The following GSN variants were observed in gnomAD, a reference collection of about 807,000 sequenced individuals.
The protein encoded by GSN is gelsolin, also known as actin-depolymerizing factor.
A neutral mutation model predicts 85.7 loss-of-function variants in GSN; 56 were observed. That is an observed-to-expected ratio of 0.65 (90% CI 0.53 to 0.82). GSN has a LOEUF of 0.82. Among genes scored for constraint, GSN ranks in the 40% least tolerant of loss-of-function variants. The pLI, the probability that GSN is intolerant of heterozygous loss-of-function variation, is 0.00. For missense variants in GSN, 857 were observed against 979.8 expected, an observed-to-expected ratio of 0.87 and a Z score of 1.67; for synonymous variants, 373 against 399.1, an observed-to-expected ratio of 0.93 and a Z score of 0.78.
At chr9:121,273,633 A>G (rs1251089748) in intron 1 of GSN, among the ~76,000 whole-genome samples, 1 of 152,100 alleles carries the variant, frequency 6.6e-6, no homozygotes, top group East Asian at 1.9e-4. Flanking sequence ...TTACCCCCAC[A>G]CAATTATCCT....
intron 13 of GSN, 153 bp downstream of exon 13, chr9:121,326,835 T>C: frequency 1.2e-6 from 1 of 813,206 alleles, no homozygotes; most frequent in Non-Finnish European, 2.2e-6. Context: ...GGCCACAGGG[T>C]TGTCTGTCTT....
At chr9:121,296,024 G>A (rs998699299) in intron 2 of GSN, among the ~76,000 whole-genome samples, 14 of 152,356 alleles carry the variant, frequency 9.2e-5, no homozygotes, top group Admixed American at 8.5e-4. Flanking sequence ...CACATCAGGT[G>A]TGTGAAAGGC....
chr9:121,211,658 C>T (rs1386499769), intron 4 of GSN, among the ~76,000 whole-genome samples: 4 of 152,134 alleles, frequency 2.6e-5, no homozygotes, highest in Non-Finnish European at 5.9e-5. Flanking sequence ...AGCTTCCCCT[C>T]TCTGGGCCTC....
intron 4 of GSN, among the ~76,000 whole-genome samples, chr9:121,304,203 G>C (rs1004307889): frequency 4.6e-5 from 7 of 152,142 alleles, no homozygotes; most frequent in Non-Finnish European, 8.8e-5. Context: ...TTGAATGATG[G>C]GAAAGTGCCA....
intron 4 of GSN, among the ~76,000 whole-genome samples, chr9:121,220,273 G>A (rs944540208): frequency 9.2e-5 from 14 of 152,284 alleles, no homozygotes; most frequent in Middle Eastern, 3.4e-3. Flanking sequence ...ATTCCTTCCC[G>A]CAGTGGCGTC....
At chr9:121,264,568 T>C (rs1040288758), upstream of GSN, among the ~76,000 whole-genome samples, 1 of 152,240 alleles carries the variant, frequency 6.6e-6, no homozygotes, top group African/African-American at 2.4e-5. Context: ...GGACCGAGGC[T>C]GGAGAAAATA....
At chr9:121,236,705 C>A (rs2054500731) in intron 5 of GSN, among the ~76,000 whole-genome samples, 1 of 152,158 alleles carries the variant, frequency 6.6e-6, no homozygotes, top group Non-Finnish European at 1.5e-5. Flanking sequence ...GTCAATAAGG[C>A]ACAACTGCAT....
chr9:121,302,322 C>A (rs183674070), intron 3 of GSN, among the ~76,000 whole-genome samples, 155 bp downstream of exon 3: 174 of 152,334 alleles, frequency 1.1e-3, no homozygotes, highest in African/African-American at 3.8e-3. Flanking sequence ...TAGAGCCAGC[C>A]TGGCCAAGTT....
intron 1 of GSN, among the ~76,000 whole-genome samples, chr9:121,277,875 A>G (rs999145954): frequency 6.6e-6 from 1 of 152,164 alleles, no homozygotes; most frequent in Non-Finnish European, 1.5e-5. Flanking sequence ...CCTCTGAGCT[A>G]AGAATGGTTT....
chr9:121,304,622 G>C (rs1157747058), intron 4 of GSN, among the ~76,000 whole-genome samples: 1 of 152,202 alleles, frequency 6.6e-6, no homozygotes, highest in Non-Finnish European at 1.5e-5. Context: ...AATATTTACT[G>C]AGCCTCAATA....
intron 1 of GSN, among the ~76,000 whole-genome samples, chr9:121,269,763 C>G (rs1197678460): frequency 6.6e-6 from 1 of 152,166 alleles, no homozygotes; most frequent in Non-Finnish European, 1.5e-5. Context: ...AAAGTTTACT[C>G]CAGAATTTTC....
chr9:121,269,420 C>G (rs1278070024), intron 1 of GSN, among the ~76,000 whole-genome samples: 1 of 152,172 alleles, frequency 6.6e-6, no homozygotes, highest in East Asian at 1.9e-4. Context: ...AGACCCAATT[C>G]CGGTCTGCCG....
At chr9:121,314,360 A>G (rs2061491274) in intron 7 of GSN, among the ~76,000 whole-genome samples, 1 of 152,248 alleles carries the variant, frequency 6.6e-6, no homozygotes, top group Non-Finnish European at 1.5e-5. Context: ...AACAGCTTAG[A>G]AAATACTTGG....
upstream of GSN, among the ~76,000 whole-genome samples, chr9:121,264,028 A>T (rs978277359): frequency 6.6e-6 from 1 of 152,108 alleles, no homozygotes; most frequent in Non-Finnish European, 1.5e-5. Context: ...GGGGATTACA[A>T]TTCGAGATGA....
At chr9:121,328,667 C>A (rs1171937108) in intron 14 of GSN, among the ~76,000 whole-genome samples, 1 of 152,170 alleles carries the variant, frequency 6.6e-6, no homozygotes. Flanking sequence ...CAATAGTGGT[C>A]CTGGCTGTGT....
chr9:121,313,842 T>C lies in GSN; in HGVS notation c.664-92T>C. 3 of 973,384 alleles carry C rather than the reference T, an allele frequency of 3.1e-6. No homozygotes were observed. The South Asian group carries it at 3.8e-5, about 12-fold the overall frequency. 60.3% of individuals were successfully genotyped at this position (973,384 alleles called of 1,614,324 possible). On this transcript the variant is annotated intron_variant, in intron 6 of 17. Coordinates refer to ENST00000432226, the MANE Select transcript of GSN (RefSeq NM_198252.3). ...TCCATGGGGAGGGTCACAGTGGATG[T>C]CCTTGTGATCCTTGCCTGCCTGGGA...
chr9:121,304,654 T>A (rs913841749), intron 4 of GSN, among the ~76,000 whole-genome samples: 10 of 152,242 alleles, frequency 6.6e-5, no homozygotes, highest in African/African-American at 2.4e-4. Flanking sequence ...AGCTCATTGT[T>A]GCTACACTAT....
chr9:121,236,024 T>C (rs1294335520), intron 5 of GSN, among the ~76,000 whole-genome samples: 1 of 152,194 alleles, frequency 6.6e-6, no homozygotes, highest in Admixed American at 6.5e-5. Flanking sequence ...TCTCACACTC[T>C]GGATGCCTGA....
chr9:121,222,018 C>G (rs766453461), intron 4 of GSN, among the ~76,000 whole-genome samples: 6 of 152,214 alleles, frequency 3.9e-5, no homozygotes, highest in Non-Finnish European at 5.9e-5. Context: ...CCTCAACACT[C>G]TCTCCTCCCA....
Sources: gnomAD v4.1 joint callset for allele counts (sites outside exome capture counted in the v4.1 genomes callset) on GRCh38, gnomAD v4.1.1 for gene constraint, MANE v1.5 for transcripts, NCBI Gene and HGNC (gene_info 2026-07-23, HGNC 2026-07-21) for gene names.